HOMER2: variants seen among roughly 807,000 people sequenced by gnomAD.
HOMER2 encodes the protein homer protein homolog 2.
Under a neutral mutation model 47.0 loss-of-function variants are expected in HOMER2, and 27 were observed. The observed-to-expected ratio is 0.57, with a 90% CI of 0.42 to 0.79. The LOEUF (loss-of-function observed/expected upper bound fraction) is 0.79, where lower values mean the gene tolerates loss of function less well. Ranked by LOEUF, HOMER2 falls within the 30% of genes least tolerant of loss-of-function variation. The pLI is 0.00. For synonymous variants in HOMER2, 161 were observed against 163.8 expected (o/e 0.98, Z 0.13); for missense variants, 443 against 435.0 (o/e 1.02, Z -0.16).
At chr15:82,973,467 T>G (rs777258365) in intron 1 of HOMER2, among the ~76,000 whole-genome samples, 1 of 152,174 alleles carries the variant, frequency 6.6e-6, no homozygotes, top group Non-Finnish European at 1.5e-5. Flanking sequence ...GCCCAGTGCC[T>G]GGCATGTAGT....
At chr15:82,871,564 G>A (rs1412812586) in intron 3 of HOMER2, among the ~76,000 whole-genome samples, 1 of 152,150 alleles carries the variant, frequency 6.6e-6, no homozygotes, top group African/African-American at 2.4e-5. Flanking sequence ...AGAGAGCAGG[G>A]GAAGAAGTTG....
rs186972665 is a variant in HOMER2 at position 82,962,399 on chromosome 15, G to A, written n.83-3091C>T. On this transcript the variant is annotated intron_variant and non_coding_transcript_variant, in intron 1 of 1. Coordinates refer to the HOMER2 transcript ENST00000500334. ...AAAAAAAAAAAAATGTCCAGAGGCC[G>A]GGCATGGTGGCTCACACCTGTAATT... 2.6e-3 allele frequency among the ~76,000 whole-genome samples: 394 copies of A among 151,496 alleles called. 1 individual carries two copies. Among genetic ancestry groups the A allele is most frequent in the African/African-American group, 9.1e-3 (376 of 41,296 alleles).
At chr15:82,982,727 T>C (rs1329822224) in intron 1 of HOMER2, among the ~76,000 whole-genome samples, 1 of 152,182 alleles carries the variant, frequency 6.6e-6, no homozygotes, top group African/African-American at 2.4e-5. Flanking sequence ...ATGTCAATAA[T>C]AGTCACAAGG....
chr15:82,867,137 C>A (rs2051996899), intron 3 of HOMER2, among the ~76,000 whole-genome samples: 1 of 151,790 alleles, frequency 6.6e-6, no homozygotes, highest in Non-Finnish European at 1.5e-5. Flanking sequence ...AAACCTGTAG[C>A]ATGATAAATT....
intron 1 of HOMER2, among the ~76,000 whole-genome samples, chr15:82,962,611 A>C (rs1218558686): frequency 6.6e-6 from 1 of 151,888 alleles, no homozygotes; most frequent in Non-Finnish European, 1.5e-5. Flanking sequence ...CGGGAGGTGG[A>C]GGTTGCAGCA....
intron 1 of HOMER2, 150 bp downstream of exon 1, chr15:82,952,381 C>A: frequency 2.0e-6 from 1 of 499,458 alleles, no homozygotes; most frequent in South Asian, 9.4e-5. Flanking sequence ...TCAGGTGGCC[C>A]CAGACTCCCG....
intron 1 of HOMER2, among the ~76,000 whole-genome samples, chr15:82,921,634 T>C (rs1216190583): frequency 6.6e-6 from 1 of 152,184 alleles, no homozygotes; most frequent in Non-Finnish European, 1.5e-5. Context: ...TAGTATCACC[T>C]GAGACCTCCA....
At chr15:82,896,094 G>A (rs1241015053) in intron 1 of HOMER2, among the ~76,000 whole-genome samples, 1 of 152,152 alleles carries the variant, frequency 6.6e-6, no homozygotes, top group African/African-American at 2.4e-5. Context: ...TGGAGGTGGG[G>A]CAACAGGGGG....
At chr15:82,836,356 C>T (rs1301470092), downstream of HOMER2, among the ~76,000 whole-genome samples, 3 of 152,220 alleles carry the variant, frequency 2.0e-5, no homozygotes, top group African/African-American at 7.2e-5. Flanking sequence ...AAGGGCAGCC[C>T]CTCAGCCTGG....
chr15:82,875,526 T>G (rs1567027953), intron 2 of HOMER2, 122 bp from the exon 3 acceptor site: 1 of 980,614 alleles, frequency 1.0e-6, no homozygotes, highest in East Asian at 2.6e-5. Context: ...CTGTTAAATT[T>G]GGTCCCGCGT....
downstream of HOMER2, chr15:82,836,834 C>A (rs552672957): frequency 6.6e-6 from 1 of 152,204 alleles, no homozygotes; most frequent in African/African-American, 2.4e-5. Flanking sequence ...GTGAAACCCA[C>A]GTAGTTGAGT....
intron 1 of HOMER2, among the ~76,000 whole-genome samples, chr15:82,936,817 C>A (rs144313651): frequency 4.7e-4 from 71 of 152,122 alleles, no homozygotes; most frequent in African/African-American, 1.5e-3. Flanking sequence ...CCTCTGCCTC[C>A]CAAAGTGTGT....
chr15:82,909,918 C>T (rs1349794549), intron 1 of HOMER2, among the ~76,000 whole-genome samples: 5 of 151,800 alleles, frequency 3.3e-5, no homozygotes, highest in African/African-American at 9.7e-5. Flanking sequence ...ATAGATCACC[C>T]GAGGTCAGGA....
At chr15:82,947,108 G>A (rs907019971) in intron 1 of HOMER2, among the ~76,000 whole-genome samples, 12 of 152,192 alleles carry the variant, frequency 7.9e-5, no homozygotes, top group Non-Finnish European at 1.3e-4. Context: ...CTTGCCAACT[G>A]CCTTACCAAT....
chr15:82,944,978 A>G (rs1325850617), intron 1 of HOMER2, among the ~76,000 whole-genome samples: 1 of 152,096 alleles, frequency 6.6e-6, no homozygotes, highest in Non-Finnish European at 1.5e-5. Context: ...CTCGGCCCTG[A>G]TATTTCCAAA....
At chr15:82,904,072 G>A (rs576236398) in intron 1 of HOMER2, among the ~76,000 whole-genome samples, 1 of 152,294 alleles carries the variant, frequency 6.6e-6, no homozygotes, top group South Asian at 2.1e-4. Context: ...GGGAGGTGGA[G>A]GCTGCAGTGA....
At chr15:82,973,425 G>T (rs2030082666) in intron 1 of HOMER2, among the ~76,000 whole-genome samples, 1 of 152,196 alleles carries the variant, frequency 6.6e-6, no homozygotes, top group African/African-American at 2.4e-5. Flanking sequence ...GTAGGTTGTT[G>T]TGAGAATGAG....
intron 1 of HOMER2, among the ~76,000 whole-genome samples, chr15:82,980,524 G>A (rs1333724991): frequency 6.6e-6 from 1 of 152,100 alleles, no homozygotes; most frequent in African/African-American, 2.4e-5. Flanking sequence ...GCTCTGCGTG[G>A]CGTGTTGTGC....
chr15:82,986,022 G>C (rs982337032), upstream of HOMER2: 2 of 974,542 alleles, frequency 2.1e-6, no homozygotes, highest in Admixed American at 6.1e-5. Flanking sequence ...CCAGCCACCA[G>C]GCAGGCTGAA....
Sources: allele counts gnomAD v4.1 joint callset (sites outside exome capture counted in the v4.1 genomes callset), GRCh38; gene constraint gnomAD v4.1.1; transcripts MANE v1.5; gene names NCBI Gene and HGNC (gene_info 2026-07-23, HGNC 2026-07-21).